The following MPPED2 variants were observed in gnomAD, a reference collection of about 807,000 sequenced individuals.
The protein encoded by MPPED2 is metallophosphoesterase domain containing 2.
MPPED2 carries 5 observed loss-of-function variants against 33.0 expected under a neutral mutation model. The observed-to-expected ratio is 0.15, with a 90% CI of 0.08 to 0.32. MPPED2 has a LOEUF of 0.32. Ranked by LOEUF, MPPED2 falls within the 10% of genes least tolerant of loss-of-function variation. MPPED2 has a pLI of 1.00. For synonymous variants in MPPED2, 136 were observed against 141.9 expected, an observed-to-expected ratio of 0.96 and a Z score of 0.29; for missense variants, 275 against 372.1, an observed-to-expected ratio of 0.74 and a Z score of 2.15.
intron 4 of MPPED2, among the ~76,000 whole-genome samples, chr11:30,489,753 A>G (rs1308675078): frequency 6.6e-6 from 1 of 152,182 alleles, no homozygotes; most frequent in Non-Finnish European, 1.5e-5. Context: ...AGCCCCACTC[A>G]TATTCATTAA....
chr11:30,495,905 A>C (rs1952229418), intron 3 of MPPED2, among the ~76,000 whole-genome samples: 1 of 152,198 alleles, frequency 6.6e-6, no homozygotes, highest in Non-Finnish European at 1.5e-5. Flanking sequence ...TCAAAACATA[A>C]TCTAACCAAC....
At chr11:30,566,956 T>C (rs910563878) in intron 2 of MPPED2, among the ~76,000 whole-genome samples, 3 of 152,066 alleles carry the variant, frequency 2.0e-5, no homozygotes, top group African/African-American at 7.2e-5. Flanking sequence ...GAGAAAATAG[T>C]GTTTAGTGAA....
intron 2 of MPPED2, among the ~76,000 whole-genome samples, chr11:30,575,871 C>G (rs1956908630): frequency 6.6e-6 from 1 of 152,136 alleles, no homozygotes; most frequent in African/African-American, 2.4e-5. Flanking sequence ...CACTTGCCAA[C>G]CCTGACAAAC....
intron 2 of MPPED2, 83 bp downstream of exon 2, chr11:30,580,163 A>G: frequency 7.2e-7 from 1 of 1,388,298 alleles, no homozygotes; most frequent in South Asian, 1.3e-5. Context: ...TCTCCCTAGC[A>G]GAAGTTAATA....
intron 2 of MPPED2, among the ~76,000 whole-genome samples, chr11:30,549,525 G>A (rs1955598252): frequency 6.6e-6 from 1 of 152,142 alleles, no homozygotes; most frequent in Non-Finnish European, 1.5e-5. Context: ...CTACAAAGTT[G>A]CCTACTGTAG....
At chr11:30,446,732 C>G (rs1313639719) in intron 4 of MPPED2, among the ~76,000 whole-genome samples, 3 of 152,114 alleles carry the variant, frequency 2.0e-5, no homozygotes, top group Non-Finnish European at 4.4e-5. Context: ...AGGCAGCCAA[C>G]GAGCACCCCT....
intron 4 of MPPED2, among the ~76,000 whole-genome samples, chr11:30,417,903 C>A (rs1948447180): frequency 6.6e-6 from 1 of 152,162 alleles, no homozygotes. Flanking sequence ...AAAATCTTGA[C>A]AATGCTTTGT....
At chr11:30,432,887 G>A (rs1389662025) in intron 4 of MPPED2, among the ~76,000 whole-genome samples, 2 of 152,138 alleles carry the variant, frequency 1.3e-5, no homozygotes. Flanking sequence ...TAGGTTCCCA[G>A]GCAAGTCCCC....
chr11:30,456,615 G>A (rs1167793525), intron 4 of MPPED2, among the ~76,000 whole-genome samples: 1 of 151,986 alleles, frequency 6.6e-6, no homozygotes, highest in Admixed American at 6.6e-5. Flanking sequence ...TGTACTTGAT[G>A]GTTAGATAAA....
At chr11:30,480,736 G>A (rs1427045166) in intron 4 of MPPED2, among the ~76,000 whole-genome samples, 2 of 152,104 alleles carry the variant, frequency 1.3e-5, no homozygotes, top group Non-Finnish European at 2.9e-5. Flanking sequence ...TAAAAACTGT[G>A]TTCTTCCTAG....
At chr11:30,527,485 C>T (rs150833655) in intron 3 of MPPED2, among the ~76,000 whole-genome samples, 335 of 149,786 alleles carry the variant, frequency 2.2e-3, no homozygotes, top group African/African-American at 7.9e-3. Flanking sequence ...GGGGTGGTGA[C>T]GCTGGAGGGG....
At chr11:30,439,993 C>A (rs551677940) in intron 4 of MPPED2, among the ~76,000 whole-genome samples, 2 of 152,322 alleles carry the variant, frequency 1.3e-5, no homozygotes, top group Non-Finnish European at 2.9e-5. Context: ...AATTAGCAAG[C>A]TATGGCCCGT....
At chr11:30,541,378 T>C (rs1366131406) in intron 2 of MPPED2, among the ~76,000 whole-genome samples, 4 of 152,196 alleles carry the variant, frequency 2.6e-5, no homozygotes, top group Non-Finnish European at 5.9e-5. Context: ...GCAAACCTCA[T>C]TGGTAGATCT....
chr11:30,411,248 G>C lies in MPPED2; in HGVS notation c.*220C>G, dbSNP rs1445181627. 27 of 1,182,544 alleles carry C rather than the reference G, an allele frequency of 2.3e-5. No individual in the cohort carries two copies. Among genetic ancestry groups the C allele is most frequent in the Non-Finnish European group, 2.8e-5 (27 of 953,402 alleles). The allele number at this position is 1,182,544 out of a possible 1,614,324, so 73.3% of individuals were successfully genotyped here. A position where few individuals can be genotyped will look rare whatever the true frequency, so the allele number is the denominator to read the frequency against. ...CAATGGCATGGCCTTTGAGAAAACAGAAGTCATTTTACAAATTCACAATGT... is the reference window on the plus strand; with the variant it reads ...CAATGGCATGGCCTTTGAGAAAACACAAGTCATTTTACAAATTCACAATGT... On this transcript the variant is annotated 3_prime_UTR_variant, in exon 7 of 7. Transcript: ENST00000358117.
chr11:30,536,323 C>T, intron 2 of MPPED2, 148 bp from the exon 3 acceptor site: 1 of 632,486 alleles, frequency 1.6e-6, no homozygotes, highest in East Asian at 3.1e-5. Context: ...AAGGACACTT[C>T]TGGGTGTAAC....
intron 6 of MPPED2, among the ~76,000 whole-genome samples, chr11:30,392,236 G>T (rs1947788241): frequency 6.6e-6 from 1 of 152,102 alleles, no homozygotes; most frequent in African/African-American, 2.4e-5. Flanking sequence ...TGGGGTCTTT[G>T]CCAGAAGCCA....
At chr11:30,551,222 G>A (rs529560710) in intron 2 of MPPED2, among the ~76,000 whole-genome samples, 1 of 152,206 alleles carries the variant, frequency 6.6e-6, no homozygotes, top group South Asian at 2.1e-4. Flanking sequence ...CCACGCTTAG[G>A]CACCATGCCA....
intron 6 of MPPED2, among the ~76,000 whole-genome samples, chr11:30,400,864 A>T (rs1947899541): frequency 6.6e-6 from 1 of 151,948 alleles, no homozygotes; most frequent in South Asian, 2.1e-4. Context: ...AGGCTCAAGC[A>T]ATCTTCAATC....
chr11:30,393,575 ATATAAC>A (rs1377684843), intron 6 of MPPED2, among the ~76,000 whole-genome samples: 1 of 151,446 alleles, frequency 6.6e-6, no homozygotes, highest in Non-Finnish European at 1.5e-5. Flanking sequence ...ATTTATTATA[ATATAAC>A]CTCCCAGGAG....
Sources: gnomAD v4.1 joint callset for allele counts (sites outside exome capture counted in the v4.1 genomes callset) on GRCh38, gnomAD v4.1.1 for gene constraint, MANE v1.5 for transcripts, NCBI Gene and HGNC (gene_info 2026-07-23, HGNC 2026-07-21) for gene names.